TUBGCP6: variants seen among roughly 807,000 people sequenced by gnomAD.
TUBGCP6 encodes gamma-tubulin complex component 6.
A neutral mutation model predicts 175.8 loss-of-function variants in TUBGCP6; 161 were observed. The observed-to-expected ratio is 0.92, with a 90% CI of 0.81 to 1.04. TUBGCP6 has a LOEUF of 1.04. Among genes scored for constraint, TUBGCP6 ranks in the 50% least tolerant of loss-of-function variants. The pLI is 0.00. For synonymous variants in TUBGCP6, 1,173 were observed against 1,030.5 expected (o/e 1.14, Z -2.65); for missense variants, 2,572 against 2,433.0 (o/e 1.06, Z -1.20).
chr22:50,244,299 G>C lies in TUBGCP6; in HGVS notation c.161C>G (p.Thr54Ser), dbSNP rs139974572. The C allele has an allele frequency of 1.2e-3, 1,957 of 1,613,656 alleles. 3 individuals carry two copies. The highest frequency in any genetic ancestry group is 1.6e-3 in the Non-Finnish European group (1,832 of 1,180,040). Reference sequence around the variant, plus strand: ...TGACATGTCAGGCTGCAGCTGTTGAGTCTCATCTTGAAAAAGATTTGTGAA... The same window carrying C: ...TGACATGTCAGGCTGCAGCTGTTGACTCTCATCTTGAAAAAGATTTGTGAA... ...ALFTNLFQDE[T>S]QQLQPDMSKL... Residue 54 changes from threonine (T) to serine (S), a missense_variant, in exon 1 of 25, where the codon ACT becomes AGT. Transcript: ENST00000248846.
rs1027406738 is a variant in TUBGCP6 at position 50,235,326 on chromosome 22, C to G, written c.906-1800G>C. On this transcript the variant is annotated intron_variant, in intron 2 of 24. Coordinates refer to ENST00000248846, the MANE Select transcript of TUBGCP6 (RefSeq NM_020461.4). Reference sequence around the variant, plus strand: ...GCAACATCCACATGCCTGTCCACAGCAGCATCCACACCCCCGTCCACGGCA... The same window carrying G: ...GCAACATCCACATGCCTGTCCACAGGAGCATCCACACCCCCGTCCACGGCA... Among the ~76,000 whole-genome samples the G allele has an allele frequency of 5.6e-4, 6 of 10,704 alleles. No homozygotes were observed. In the East Asian group the frequency reaches 0.014, roughly 24 times the overall value. 7.0% of individuals were successfully genotyped at this position (10,704 alleles called of 152,430 possible). A position where few individuals can be genotyped will look rare whatever the true frequency, so the allele number is the denominator to read the frequency against.
Position 50,220,227 on chromosome 22 carries a change from G to T in TUBGCP6, c.4108+24C>A. The T allele has an allele frequency of 6.5e-7, 1 of 1,543,650 alleles. No individual in the cohort carries two copies. The highest frequency in any genetic ancestry group is 2.3e-5 in the East Asian group (1 of 44,098). On this transcript the variant is annotated intron_variant, in intron 16 of 24. Coordinates refer to ENST00000248846, the MANE Select transcript of TUBGCP6 (RefSeq NM_020461.4). ...CTGTGCGTCCCACAGTCCCACTCCTGACCACCAGCCACCCTACTCTGACCT... is the reference window on the plus strand; with the variant it reads ...CTGTGCGTCCCACAGTCCCACTCCTTACCACCAGCCACCCTACTCTGACCT...
chr22:50,233,012 A>G (rs2064713853), intron 3 of TUBGCP6, among the ~76,000 whole-genome samples: 1 of 152,226 alleles, frequency 6.6e-6, no homozygotes, highest in African/African-American at 2.4e-5. Context: ...GAAGGCTCGG[A>G]AGGCGCCTGG....
intron 13 of TUBGCP6, chr22:50,223,100 G>C (rs1016092899): frequency 6.3e-6 from 1 of 158,124 alleles, no homozygotes; most frequent in Non-Finnish European, 1.4e-5. Flanking sequence ...ACCTGGACTG[G>C]CCAGCTCTAA....
Position 50,219,204 on chromosome 22 carries a change from G to A in TUBGCP6, c.4490C>T (p.Ser1497Phe), listed in dbSNP as rs774510684. 1 of 1,611,236 alleles carries A rather than the reference G, an allele frequency of 6.2e-7. No individual in the cohort carries two copies. The highest frequency in any genetic ancestry group is 8.5e-7 in the Non-Finnish European group (1 of 1,179,976). ...GTCGACAGCGGCCTTGTTCACCAAG[G>A]AGATGCTGGCAGGAGGGAGCTGGAG... ...SITAPLAAHI[S>F]LVNKAAVDYF... The change falls in exon 20 of 25, where the codon TCC becomes TTC. Residue 1497 changes from serine (S) to phenylalanine (F), a missense_variant. By Grantham distance (155) the Ser-to-Phe change is radical. Transcript: ENST00000248846.
In TUBGCP6 at chr22:50,220,369, G is replaced by C. The variant is rs896132951; in HGVS notation, c.3990C>G (p.Ser1330=). The C allele has an allele frequency of 1.3e-6, 2 of 1,559,500 alleles. No homozygotes were observed. The highest frequency in any genetic ancestry group is 1.4e-5 in the African/African-American group (1 of 73,654). ...CCTCCCCGCAGCCCGAGCTGGGGGAGGACAGAGATGGCCCCACTTCTACAG... is the reference window on the plus strand; with the variant it reads ...CCTCCCCGCAGCCCGAGCTGGGGGACGACAGAGATGGCCCCACTTCTACAG... ...RLPVEVGPSL[S]SPSSGCGEGS... The change falls in exon 16 of 25, where the codon TCC becomes TCG. Residue 1330 remains serine, a synonymous_variant. Coordinates refer to ENST00000248846, the MANE Select transcript of TUBGCP6 (RefSeq NM_020461.4).
rs1200814441 is a variant in TUBGCP6, at chr22:50,227,063, A to T, written c.1427T>A (p.Leu476His). 2.5e-6 allele frequency: 4 copies of T among 1,611,588 alleles called. No homozygotes were observed. Among genetic ancestry groups the T allele is most frequent in the Non-Finnish European group, 3.4e-6 (4 of 1,179,268 alleles). ...LGRQLRYLAE[L>H]CGVGAVLPGT... is the part of the protein sequence containing the mutation. ...CGGGAGCACAGCGCCAACGCCACAG[A>T]GCTCGGCCAGGTACCTAGACCCAGA... The change falls in exon 6 of 25, where the codon CTC becomes CAC. Residue 476 changes from leucine to histidine, a missense_variant. Transcript: ENST00000248846.
rs1247405640 is a variant in TUBGCP6, at chr22:50,233,508, C to T, written c.924G>A (p.Glu308=). ...ERVGCPPGHR[E]EPYLTEAGRD... is the part of the protein sequence containing the mutation. Reference sequence around the variant, plus strand: ...TTCCCGCCTCCGTCAGGTAAGGCTCCTCTCTGTGGCCAGGGGGGCTGCGAG... The same window carrying T: ...TTCCCGCCTCCGTCAGGTAAGGCTCTTCTCTGTGGCCAGGGGGGCTGCGAG... Residue 308 remains glutamate, a synonymous_variant, in exon 3 of 25, where the codon GAG becomes GAA. Transcript: ENST00000248846. The T allele has an allele frequency of 1.2e-6, 2 of 1,607,036 alleles. No individual in the cohort carries two copies. Among genetic ancestry groups the T allele is most frequent in the African/African-American group, 1.3e-5 (1 of 74,760 alleles).
In TUBGCP6 at chr22:50,219,293, G is replaced by A. The variant is rs150925794; in HGVS notation, c.4479C>T (p.Ala1493=). Residue 1493 remains alanine, a synonymous_variant, in exon 19 of 25, where the codon GCC becomes GCT. Transcript: ENST00000248846. ...GCAGGGGCAGGGGCACTCACTGGGC[G>A]GCCAGCGGTGCCGTGATGGAGCGCT... ...LMKRSITAPL[A]AHISLVNKAA... 1.7e-4 allele frequency: 267 copies of A among 1,603,780 alleles called. No individual in the cohort carries two copies. The African/African-American group carries it at 2.3e-3, about 14-fold the overall frequency.
intron 5 of TUBGCP6, 36 bp from the exon 6 acceptor site, chr22:50,227,113 G>A (rs1356990894): frequency 5.1e-6 from 8 of 1,574,896 alleles, no homozygotes; most frequent in Non-Finnish European, 6.9e-6. Context: ...AGGTGACCGG[G>A]CTCAGGGTTC....
intron 11 of TUBGCP6, 42 bp from the exon 12 acceptor site, chr22:50,224,462 C>T: frequency 6.2e-7 from 1 of 1,614,138 alleles, no homozygotes; most frequent in Non-Finnish European, 8.5e-7. Context: ...CAAGGAGGCC[C>T]CAGCAAGGCC....
chr22:50,226,006 G>C, intron 9 of TUBGCP6, 44 bp downstream of exon 9: 1 of 1,613,442 alleles, frequency 6.2e-7, no homozygotes, highest in African/African-American at 1.3e-5. Context: ...TCAGCCCCAG[G>C]GAAGACCGGC....
chr22:50,218,642 C>G, intron 21 of TUBGCP6, 22 bp from the exon 22 acceptor site: 1 of 1,613,728 alleles, frequency 6.2e-7, no homozygotes. Flanking sequence ...CGTGGCTCAG[C>G]AGGCATCCCA....
chr22:50,239,365 C>T (rs1261599369), intron 2 of TUBGCP6, among the ~76,000 whole-genome samples: 3 of 152,030 alleles, frequency 2.0e-5, no homozygotes, highest in Admixed American at 1.3e-4. Flanking sequence ...TTAGTAGAGA[C>T]GGGGTTTCAC....
At chr22:50,224,934 G>C (rs2064583040) in intron 10 of TUBGCP6, among the ~76,000 whole-genome samples, 1 of 152,026 alleles carries the variant, frequency 6.6e-6, no homozygotes, top group Admixed American at 6.6e-5. Flanking sequence ...GAAAAAAAAA[G>C]CAACCTAATC....
intron 10 of TUBGCP6, 26 bp downstream of exon 10, chr22:50,225,768 C>A (rs758605590): frequency 6.3e-7 from 1 of 1,592,934 alleles, no homozygotes; most frequent in East Asian, 2.2e-5. Context: ...GCGAAGAAAG[C>A]CCCCGAGACC....
At position 50,221,535 on chromosome 22, in the gene TUBGCP6, T is replaced by C. The variant is rs9617048; in HGVS notation, c.2824A>G (p.Ser942Gly). ...TCCTGTGGCCTGGAGGGCTGAGTGC[T>C]GGCTGCTGCGGGTGCCTCCCCAGGA... ...SAPGEAPAAA[S>G]TQPSRPQEYD... Residue 942 changes from serine (S) to glycine (G), a missense_variant, in exon 16 of 25, where the codon AGC becomes GGC. By Grantham distance (56) the Ser-to-Gly change is moderately conservative (BLOSUM62 0). Transcript: ENST00000248846. The C allele has an allele frequency of 1.9e-6, 3 of 1,585,342 alleles. No individual in the cohort carries two copies. Among genetic ancestry groups the C allele is most frequent in the East Asian group, 4.6e-5 (2 of 43,666 alleles).
Position 50,225,338 on chromosome 22 carries a change from C to T in TUBGCP6, c.1983+456G>A, listed in dbSNP as rs568040766. On this transcript the variant is annotated intron_variant, in intron 10 of 24. Transcript: ENST00000248846. ...GTACCACCGAGCCCCTCCCAGAAGA[C>T]ACAGGAGAGGCGTGGCCCGTCCCTG... 7.9e-5 allele frequency among the ~76,000 whole-genome samples: 12 copies of T among 152,220 alleles called. No homozygotes were observed. In the East Asian group the frequency reaches 2.3e-3, roughly 29 times the overall value.
Position 50,222,044 on chromosome 22 carries a change from A to C in TUBGCP6, c.2468T>G (p.Leu823Trp). The change falls in exon 15 of 25, where the codon TTG becomes TGG. Residue 823 changes from leucine to tryptophan, a missense_variant. Coordinates refer to ENST00000248846, the MANE Select transcript of TUBGCP6 (RefSeq NM_020461.4). Reference sequence around the variant, plus strand: ...GCCGCTTACCTGGGGGTGCACGCTCAAGAGGACGTCTGGCGGCTCCTGGGG... The same window carrying C: ...GCCGCTTACCTGGGGGTGCACGCTCCAGAGGACGTCTGGCGGCTCCTGGGG... The part of the protein sequence containing the change: ...HQPQEPPDVL[L>W]SVHPQVTSPG... The C allele has an allele frequency of 6.2e-7, 1 of 1,613,902 alleles. No individual in the cohort carries two copies. Among genetic ancestry groups the C allele is most frequent in the Non-Finnish European group, 8.5e-7 (1 of 1,179,992 alleles).
Sources: gnomAD v4.1 joint callset for allele counts (sites outside exome capture counted in the v4.1 genomes callset) on GRCh38, gnomAD v4.1.1 for gene constraint, MANE v1.5 for transcripts, NCBI Gene and HGNC (gene_info 2026-07-23, HGNC 2026-07-21) for gene names.